GRIN2A: variants seen among roughly 807,000 people sequenced by gnomAD.
The protein encoded by GRIN2A is glutamate ionotropic receptor NMDA type subunit 2A.
Under a neutral mutation model 113.4 loss-of-function variants are expected in GRIN2A, and 22 were observed. The observed-to-expected ratio is 0.19, with a 90% CI of 0.14 to 0.28. GRIN2A has a LOEUF of 0.28. Among genes scored for constraint, GRIN2A ranks in the 10% least tolerant of loss-of-function variants. The pLI is 1.00. For synonymous variants in GRIN2A, 827 were observed against 738.4 expected (o/e 1.12, Z -1.94); for missense variants, 1,502 against 1,887.0 (o/e 0.80, Z 3.78).
At chr16:9,804,667 C>G (rs1469545744) in intron 10 of GRIN2A, among the ~76,000 whole-genome samples, 1 of 152,002 alleles carries the variant, frequency 6.6e-6, no homozygotes, top group South Asian at 2.1e-4. Flanking sequence ...AGCGATCCCT[C>G]TTCTCCAATG....
intron 10 of GRIN2A, among the ~76,000 whole-genome samples, chr16:9,805,813 A>G (rs1337590492): frequency 2.0e-5 from 3 of 152,036 alleles, no homozygotes; most frequent in Non-Finnish European, 4.4e-5. Flanking sequence ...ACCACCGGGT[A>G]CCCATCGGGG....
chr16:10,097,345 T>G (rs1034681695), intron 2 of GRIN2A, among the ~76,000 whole-genome samples: 5 of 152,210 alleles, frequency 3.3e-5, no homozygotes, highest in African/African-American at 1.2e-4. Flanking sequence ...GTAGAGATGT[T>G]TGAAGTTGGA....
At chr16:10,027,322 C>G (rs1213830257) in intron 2 of GRIN2A, among the ~76,000 whole-genome samples, 2 of 152,186 alleles carry the variant, frequency 1.3e-5, no homozygotes, top group Non-Finnish European at 1.5e-5. Context: ...AGTTTAGCAT[C>G]TCAGCTATCA....
chr16:10,102,560 T>TG (rs201316588), intron 2 of GRIN2A, among the ~76,000 whole-genome samples: 6 of 152,172 alleles, frequency 3.9e-5, no homozygotes, highest in African/African-American at 1.4e-4. Context: ...TCTTTTTTAT[T>TG]GGGGGGGACA....
intron 2 of GRIN2A, among the ~76,000 whole-genome samples, chr16:10,120,225 G>C (rs75987282): frequency 1.8e-4 from 28 of 152,222 alleles, no homozygotes; most frequent in African/African-American, 6.5e-4. Context: ...GGAAATGTTT[G>C]TCTATGGCTG....
chr16:10,180,023 C>T lies in GRIN2A; in HGVS notation c.389G>A (p.Gly130Asp), dbSNP rs2050227922. Residue 130 changes from glycine to aspartate, a missense_variant, in exon 2 of 13, where the codon GGC becomes GAC. Coordinates refer to ENST00000330684, the MANE Select transcript of GRIN2A (RefSeq NM_001134407.3). This position sits in a 1 kb window ranked among gnomAD's most constrained non-coding sequence, Gnocchi z 7.0. ...CTTGTCAGCCATGATCATAGATGCGCCCCCATGAATGCCCAAGATGGGGAC... is the reference window on the plus strand; with the variant it reads ...CTTGTCAGCCATGATCATAGATGCGTCCCCATGAATGCCCAAGATGGGGAC... ...TFVPILGIHG[G>D]ASMIMADKDP... is the part of the protein sequence containing the mutation. 1 of 1,613,756 alleles carries T rather than the reference C, an allele frequency of 6.2e-7. No homozygotes were observed. Among genetic ancestry groups the T allele is most frequent in the Admixed American group, 1.7e-5 (1 of 60,008 alleles).
intron 2 of GRIN2A, among the ~76,000 whole-genome samples, chr16:10,052,297 G>A (rs1403366187): frequency 1.3e-5 from 2 of 152,224 alleles, no homozygotes; most frequent in Admixed American, 1.3e-4. Flanking sequence ...TTAAAGACCT[G>A]TGGGTTGGAT....
chr16:9,945,544 C>T (rs903187672), intron 2 of GRIN2A, among the ~76,000 whole-genome samples: 1 of 152,078 alleles, frequency 6.6e-6, no homozygotes, highest in African/African-American at 2.4e-5. Context: ...ATTCCTAGGT[C>T]AACTGTATTG....
At chr16:10,017,561 C>T (rs2046634160) in intron 2 of GRIN2A, among the ~76,000 whole-genome samples, 1 of 152,234 alleles carries the variant, frequency 6.6e-6, no homozygotes, top group African/African-American at 2.4e-5. Context: ...GAAATATGAA[C>T]AGTAACAGTT....
chr16:9,825,207 C>A (rs931332215), intron 9 of GRIN2A, among the ~76,000 whole-genome samples: 1 of 152,180 alleles, frequency 6.6e-6, no homozygotes, highest in Non-Finnish European at 1.5e-5. Context: ...AGAAACTGCG[C>A]CATTTGGAGC....
At chr16:9,976,771 G>C (rs1419306683) in intron 2 of GRIN2A, among the ~76,000 whole-genome samples, 2 of 152,162 alleles carry the variant, frequency 1.3e-5, no homozygotes, top group African/African-American at 4.8e-5. Flanking sequence ...GTCCTCTGAA[G>C]CCATTCAGCT....
intron 3 of GRIN2A, among the ~76,000 whole-genome samples, chr16:9,935,347 T>C (rs1458173767): frequency 6.6e-6 from 1 of 152,132 alleles, no homozygotes; most frequent in Non-Finnish European, 1.5e-5. Context: ...CTTCCTGATA[T>C]CTGGACAATT....
Position 10,180,205 on chromosome 16 carries a change from C to A in GRIN2A, c.207G>T (p.Val69=). The A allele has an allele frequency of 6.2e-7, 1 of 1,614,172 alleles. No homozygotes were observed. Among genetic ancestry groups the A allele is most frequent in the Non-Finnish European group, 8.5e-7 (1 of 1,180,040 alleles). The part of the protein sequence containing the change: ...QAAGLPLDVN[V]VALLMNRTDP... The stretch of plus-strand genomic sequence containing the variant: ...CGGTGCGGTTCATCAGCAGAGCTAC[C>A]ACGTTCACGTCCAGGGGCAGCCCCG... The change falls in exon 2 of 13, where the codon GTG becomes GTT. Residue 69 remains valine (V), a synonymous_variant. Transcript: ENST00000330684. The surrounding 1 kb of genome is among the most constrained non-coding windows in gnomAD (Gnocchi z 7.0).
intron 9 of GRIN2A, 121 bp downstream of exon 9, chr16:9,829,302 C>T (rs2042444147): frequency 1.5e-6 from 1 of 683,232 alleles, no homozygotes; most frequent in Non-Finnish European, 2.6e-6. Context: ...GAGAAAAAAC[C>T]TTCTGGCTTT....
At chr16:9,792,424 A>G (rs147206126) in intron 11 of GRIN2A, among the ~76,000 whole-genome samples, 1 of 152,028 alleles carries the variant, frequency 6.6e-6, no homozygotes, top group African/African-American at 2.4e-5. Context: ...GGTTTTTGCT[A>G]TGTTGCCTGG....
At chr16:9,898,310 CCATTTAGTATACT>C (rs1422558643) in intron 3 of GRIN2A, among the ~76,000 whole-genome samples, 3 of 152,146 alleles carry the variant, frequency 2.0e-5, no homozygotes, top group African/African-American at 4.8e-5. Flanking sequence ...CTTCCCCTTG[CCATTTAGTATACT>C]CATTTCCAGA....
chr16:10,109,034 AAC>A (rs1199670447), intron 2 of GRIN2A, among the ~76,000 whole-genome samples: 12 of 125,314 alleles, frequency 9.6e-5, no homozygotes, highest in African/African-American at 4.1e-4. Context: ...AAAAAAAAAA[AAC>A]AAAATTGATA....
Position 9,761,005 on chromosome 16 carries a change from G to A in GRIN2A, c.*2144C>T. ...CATGGCTGGGTCTTGGGGCAGCAGA[G>A]GTACAGCATCCGGGAAATAAAATGT... On this transcript the variant is annotated 3_prime_UTR_variant, in exon 13 of 13. Transcript: ENST00000330684. The A allele has an allele frequency of 4.3e-6, 1 of 232,546 alleles. No homozygotes were observed. 14.4% of individuals were successfully genotyped at this position (232,546 alleles called of 1,614,324 possible).
intron 2 of GRIN2A, among the ~76,000 whole-genome samples, chr16:10,049,980 T>C (rs1189462125): frequency 1.3e-5 from 2 of 152,138 alleles, no homozygotes; most frequent in Non-Finnish European, 2.9e-5. Context: ...ACCCATACCA[T>C]CCTACCTGAT....
Sources: allele counts gnomAD v4.1 joint callset (sites outside exome capture counted in the v4.1 genomes callset), GRCh38; gene constraint gnomAD v4.1.1; non-coding constraint Gnocchi (gnomAD v3.1); transcripts MANE v1.5; gene names NCBI Gene and HGNC (gene_info 2026-07-23, HGNC 2026-07-21).